The following NFAT5 variants were observed in gnomAD, a reference collection of about 807,000 sequenced individuals.
NFAT5 encodes nuclear factor of activated T cells 5, also known as nuclear factor of activated T-cells 5.
Under a neutral mutation model 166.5 loss-of-function variants are expected in NFAT5, and 31 were observed. The observed-to-expected ratio is 0.19, with a 90% CI of 0.14 to 0.25. NFAT5 has a LOEUF of 0.25. Ranked by LOEUF, NFAT5 falls within the 10% of genes least tolerant of loss-of-function variation. The probability of loss-of-function intolerance (pLI) is 1.00; values close to 1 mark genes in which losing one functional copy is unlikely to be tolerated. For synonymous variants in NFAT5, 612 were observed against 639.7 expected (o/e 0.96, Z 0.65); for missense variants, 1,449 against 1,821.8 (o/e 0.80, Z 3.72).
At position 69,692,503 on chromosome 16, in the gene NFAT5, C is replaced by T. The variant is rs149255851; in HGVS notation, c.2678C>T (p.Thr893Met). 2.7e-5 allele frequency: 43 copies of T among 1,614,024 alleles called. No homozygotes were observed. Among genetic ancestry groups the T allele is most frequent in the Middle Eastern group, 3.3e-4 (2 of 6,082 alleles). Residue 893 changes from threonine (T) to methionine (M), a missense_variant, in exon 13 of 15, where the codon ACG becomes ATG. Around this residue, in one of 7 missense-constraint regions of NFAT5, gnomAD observed 891 missense variants for 993.0 expected, o/e 0.90. Coordinates refer to ENST00000349945, the MANE Select transcript of NFAT5 (RefSeq NM_138713.4). ...AGTGTTCATCCACAGTCTGAAAACA[C>T]GTTATCTAATCAACAGCAGCAGCAG... ...AESVHPQSEN[T>M]LSNQQQQQQQ...
At chr16:69,669,609 A>G (rs929741944) in intron 7 of NFAT5, among the ~76,000 whole-genome samples, 5 of 152,218 alleles carry the variant, frequency 3.3e-5, no homozygotes, top group African/African-American at 9.6e-5. Context: ...AAGACAGGAT[A>G]CTTGTTTGTA....
At chr16:69,664,068 T>TG (rs2036259464) in intron 7 of NFAT5, among the ~76,000 whole-genome samples, 2 of 152,102 alleles carry the variant, frequency 1.3e-5, no homozygotes, top group African/African-American at 4.8e-5. Flanking sequence ...CCCACAGCTA[T>TG]GGGGAAAGGA....
intron 2 of NFAT5, among the ~76,000 whole-genome samples, chr16:69,610,837 C>G (rs530818027): frequency 6.6e-6 from 1 of 152,286 alleles, no homozygotes; most frequent in East Asian, 1.9e-4. Context: ...GCATGGCCCT[C>G]TATATATTTC....
At chr16:69,628,901 C>T (rs9940132) in intron 3 of NFAT5, among the ~76,000 whole-genome samples, 221 of 152,168 alleles carry the variant, frequency 1.5e-3, no homozygotes, top group Middle Eastern at 0.01. Context: ...GGTGAAACTG[C>T]GTCTCTACTA....
chr16:69,639,463 A>G (rs940086920), intron 3 of NFAT5, among the ~76,000 whole-genome samples: 2 of 152,306 alleles, frequency 1.3e-5, no homozygotes, highest in South Asian at 2.1e-4. Flanking sequence ...GTTTTATAAC[A>G]TTAGAACCCT....
At chr16:69,597,248 A>G (rs923166443) in intron 2 of NFAT5, among the ~76,000 whole-genome samples, 1 of 152,238 alleles carries the variant, frequency 6.6e-6, no homozygotes, top group African/African-American at 2.4e-5. Context: ...CAAAAGCTGG[A>G]TATGATAAGG....
chr16:69,568,129 T>A (rs1228325281), intron 1 of NFAT5, among the ~76,000 whole-genome samples: 1 of 151,922 alleles, frequency 6.6e-6, no homozygotes. Context: ...CCTGACCAAT[T>A]TGGAGAAACC....
intron 2 of NFAT5, among the ~76,000 whole-genome samples, chr16:69,618,093 G>C (rs566601585): frequency 1.3e-5 from 2 of 151,616 alleles, no homozygotes; most frequent in Non-Finnish European, 2.9e-5. Context: ...GGGAGGTGGA[G>C]GTTGCGGTGA....
At position 69,692,693 on chromosome 16, in the gene NFAT5, G is replaced by A. The variant is rs2037595715; in HGVS notation, c.2868G>A (p.Met956Ile). The change falls in exon 13 of 15, where the codon ATG (methionine) becomes ATA (isoleucine). Residue 956 changes from methionine to isoleucine, a missense_variant. Physicochemically the swap from Met to Ile is conservative, Grantham distance 10. Around this residue, in one of 7 missense-constraint regions of NFAT5, gnomAD observed 891 missense variants for 993.0 expected, o/e 0.90. Coordinates refer to ENST00000349945, the MANE Select transcript of NFAT5 (RefSeq NM_138713.4). ...CAGTTTACCAGCAGACTTCTCACAT[G>A]ATGAGTGCATTGTCTACCAATGAGG... is the stretch of plus-strand genomic sequence containing the variant. The part of the protein sequence containing the change: ...QSPVYQQTSH[M>I]MSALSTNEDM... 1 of 1,614,234 alleles carries A rather than the reference G, an allele frequency of 6.2e-7. No homozygotes were observed. Among genetic ancestry groups the A allele is most frequent in the Non-Finnish European group, 8.5e-7 (1 of 1,180,048 alleles).
chr16:69,584,762 G>T (rs1168820538), intron 2 of NFAT5, among the ~76,000 whole-genome samples: 1 of 152,030 alleles, frequency 6.6e-6, no homozygotes, highest in Non-Finnish European at 1.5e-5. Flanking sequence ...ACTCCAGTCT[G>T]GGTGACAGAG....
intron 2 of NFAT5, among the ~76,000 whole-genome samples, chr16:69,574,367 A>T (rs566919469): frequency 6.6e-6 from 1 of 152,310 alleles, no homozygotes; most frequent in South Asian, 2.1e-4. Flanking sequence ...GCTGTTGCTA[A>T]GATTTTATTT....
In NFAT5 at chr16:69,691,057, C is replaced by A; in HGVS notation, c.1892C>A (p.Thr631Lys). The A allele has an allele frequency of 6.2e-7, 1 of 1,601,346 alleles. No individual in the cohort carries two copies. Among genetic ancestry groups the A allele is most frequent in the Non-Finnish European group, 8.5e-7 (1 of 1,174,994 alleles). The change falls in exon 12 of 15, where the codon ACA (threonine) becomes AAA (lysine). Residue 631 changes from threonine (T) to lysine (K), a missense_variant. By Grantham distance (78) the Thr-to-Lys change is moderately conservative (BLOSUM62 -1). Coordinates refer to ENST00000349945, the MANE Select transcript of NFAT5 (RefSeq NM_138713.4). The part of the protein sequence containing the change: ...KSEDVTPMEV[T>K]AEKRSSTIFK... ...GAAGATGTTACTCCAATGGAAGTAA[C>A]AGCAGAAAAAAGATCTTCCACTATT... is the stretch of plus-strand genomic sequence containing the variant.
chr16:69,646,537 A>T, intron 3 of NFAT5: 1 of 1,263,268 alleles, frequency 7.9e-7, no homozygotes, highest in Non-Finnish European at 1.0e-6. Context: ...TGAAGCAGGG[A>T]GTGTCTGCAT....
chr16:69,687,272 C>A (rs1190662552), intron 11 of NFAT5, among the ~76,000 whole-genome samples: 2 of 152,048 alleles, frequency 1.3e-5, no homozygotes, highest in Non-Finnish European at 1.5e-5. Flanking sequence ...AAAACCCTGT[C>A]TCTACTAAAA....
Position 69,596,389 on chromosome 16 carries a change from T to A in NFAT5, c.127+27841T>A, listed in dbSNP as rs200828776. 2.0e-5 allele frequency among the ~76,000 whole-genome samples: 3 copies of A among 152,274 alleles called. No individual in the cohort carries two copies. The East Asian group carries it at 5.8e-4, about 29-fold the overall frequency. On this transcript the variant is annotated intron_variant, in intron 2 of 14. Coordinates refer to ENST00000349945, the MANE Select transcript of NFAT5 (RefSeq NM_138713.4). Reference sequence around the variant, plus strand: ...CCAGATGATTAAGAGACTTGCTCAATTTGACACTGTTAGTCATTAGAAGAG... The same window carrying A: ...CCAGATGATTAAGAGACTTGCTCAAATTGACACTGTTAGTCATTAGAAGAG...
intron 2 of NFAT5, among the ~76,000 whole-genome samples, chr16:69,621,918 G>A (rs1034358601): frequency 1.3e-5 from 2 of 152,076 alleles, no homozygotes; most frequent in African/African-American, 2.4e-5. Flanking sequence ...AACTTTGATT[G>A]TGTCTGTATA....
chr16:69,637,282 C>T (rs2035008545), intron 3 of NFAT5, among the ~76,000 whole-genome samples: 1 of 152,230 alleles, frequency 6.6e-6, no homozygotes, highest in Non-Finnish European at 1.5e-5. Context: ...GGAAGTTCCA[C>T]ACTTTCCCAC....
chr16:69,631,125 C>A (rs961894641), intron 3 of NFAT5, among the ~76,000 whole-genome samples: 8 of 152,100 alleles, frequency 5.3e-5, no homozygotes, highest in African/African-American at 1.7e-4. Context: ...AATTCAAATT[C>A]TTGAACTAAA....
chr16:69,617,558 A>C (rs1016592160), intron 2 of NFAT5, among the ~76,000 whole-genome samples: 2 of 150,532 alleles, frequency 1.3e-5, no homozygotes, highest in Non-Finnish European at 3.0e-5. Flanking sequence ...TGGCACAATC[A>C]TGGCTCACTG....
Sources: allele counts gnomAD v4.1 joint callset (sites outside exome capture counted in the v4.1 genomes callset), GRCh38; gene constraint gnomAD v4.1.1; regional missense constraint gnomAD v4.1.1; transcripts MANE v1.5; gene names NCBI Gene and HGNC (gene_info 2026-07-23, HGNC 2026-07-21).